The following TRPM7 variants were observed in gnomAD, a reference collection of about 807,000 sequenced individuals.
TRPM7 encodes transient receptor potential cation channel subfamily M member 7.
TRPM7 carries 134 observed loss-of-function variants against 229.7 expected under a neutral mutation model. The ratio of observed to expected loss-of-function variants is 0.58; its 90% CI spans 0.51 to 0.67. The LOEUF is 0.67. Ranked by LOEUF, TRPM7 falls within the 30% of genes least tolerant of loss-of-function variation. The probability of loss-of-function intolerance (pLI) is 0.00; values close to 1 mark genes in which losing one functional copy is unlikely to be tolerated. For synonymous variants in TRPM7, 699 were observed against 715.2 expected (o/e 0.98, Z 0.36); for missense variants, 1,901 against 2,210.0 (o/e 0.86, Z 2.80).
intron 38 of TRPM7, among the ~76,000 whole-genome samples, chr15:50,568,164 T>A (rs1029699767): frequency 9.4e-5 from 12 of 128,048 alleles, no homozygotes; most frequent in Non-Finnish European, 2.0e-4. Flanking sequence ...TTCAGCCTCA[T>A]AAAGTGCATC....
At chr15:50,635,617 C>T (rs1234696347) in intron 7 of TRPM7, among the ~76,000 whole-genome samples, 3 of 138,220 alleles carry the variant, frequency 2.2e-5, no homozygotes, top group South Asian at 2.3e-4. Flanking sequence ...GAGCTGAGAT[C>T]GTGCCACTGC....
At chr15:50,580,786 T>TA (rs1428541310) in intron 30 of TRPM7, 88 bp downstream of exon 30, 6 of 1,230,268 alleles carry the variant, frequency 4.9e-6, no homozygotes, top group Non-Finnish European at 6.8e-6. Flanking sequence ...AAAGAAATGT[T>TA]AAAGAGATGA....
At chr15:50,672,976 T>C (rs1221677267) in intron 1 of TRPM7, among the ~76,000 whole-genome samples, 1 of 150,418 alleles carries the variant, frequency 6.6e-6, no homozygotes, top group African/African-American at 2.4e-5. Context: ...CTGTACAATG[T>C]GTTTTATACG....
At position 50,636,896 on chromosome 15, in the gene TRPM7, G is replaced by A. The variant is rs141911574; in HGVS notation, c.832+526C>T. ...TGTAATCCCAGCTCTTTGGGAGGCC[G>A]AGACGGGCAGATCATGAAGTCAGGA... On this transcript the variant is annotated intron_variant, in intron 7 of 38. Transcript: ENST00000646667. Among the ~76,000 whole-genome samples the A allele has an allele frequency of 4.5e-3, 680 of 152,244 alleles. 6 individuals carry two copies. Among genetic ancestry groups the A allele is most frequent in the African/African-American group, 0.015 (643 of 41,544 alleles).
intron 15 of TRPM7, 55 bp from the exon 16 acceptor site, chr15:50,612,884 A>C: frequency 6.7e-7 from 1 of 1,490,752 alleles, no homozygotes; most frequent in Non-Finnish European, 9.0e-7. Context: ...TATGAAATTT[A>C]TGTCAGTGAA....
At chr15:50,589,681 A>AT in intron 26 of TRPM7, 25 bp from the exon 27 acceptor site, 1 of 1,517,748 alleles carries the variant, frequency 6.6e-7, no homozygotes, top group Non-Finnish European at 9.0e-7. Context: ...AAGATGTTGC[A>AT]ATGAGAAATT....
chr15:50,615,632 T>G (rs2060202761), intron 13 of TRPM7, among the ~76,000 whole-genome samples: 1 of 152,184 alleles, frequency 6.6e-6, no homozygotes. Context: ...TTTTTTTTAA[T>G]GTCTGTATTT....
intron 21 of TRPM7, among the ~76,000 whole-genome samples, chr15:50,603,314 ATT>A (rs35061176): frequency 2.7e-5 from 4 of 149,946 alleles, no homozygotes; most frequent in Non-Finnish European, 5.9e-5. Context: ...TAGAAGACTG[ATT>A]TTTTTTTTTA....
At chr15:50,668,307 C>G (rs1297939835) in intron 1 of TRPM7, among the ~76,000 whole-genome samples, 1 of 152,094 alleles carries the variant, frequency 6.6e-6, no homozygotes, top group African/African-American at 2.4e-5. Flanking sequence ...TAAGACTCAT[C>G]TTTTTTACTT....
At position 50,646,164 on chromosome 15, in the gene TRPM7, G is replaced by T. The variant is rs551470140; in HGVS notation, c.321+2523C>A. Reference sequence around the variant, plus strand: ...GTACAAAGGCAGTGAGAATTTGTAGGATCGGGATCCAGGAGAAAAGAAAAA... The same window carrying T: ...GTACAAAGGCAGTGAGAATTTGTAGTATCGGGATCCAGGAGAAAAGAAAAA... On this transcript the variant is annotated intron_variant, in intron 4 of 38. Transcript: ENST00000646667. Among the ~76,000 whole-genome samples the T allele has an allele frequency of 1.1e-3, 169 of 151,992 alleles. 2 individuals carry two copies. Among genetic ancestry groups the T allele is most frequent in the African/African-American group, 4.0e-3 (166 of 41,470 alleles).
intron 38 of TRPM7, among the ~76,000 whole-genome samples, chr15:50,566,784 G>A (rs1289333663): frequency 2.0e-5 from 3 of 151,986 alleles, no homozygotes; most frequent in Non-Finnish European, 4.4e-5. Context: ...CACCTAAAGC[G>A]AGTATAAACA....
chr15:50,609,517 G>A (rs909286557), intron 19 of TRPM7, 64 bp downstream of exon 19: 22 of 1,466,174 alleles, frequency 1.5e-5, no homozygotes, highest in African/African-American at 1.0e-4. Context: ...TATGGATTCC[G>A]AACCAATGGT....
In TRPM7 at chr15:50,686,517, C is replaced by G; in HGVS notation, c.3+14G>C. ...CAGAACCATTCCCCGCCCGGGCCTG[C>G]GTGGGTCCAGTACCATTCTCCTCAC... On this transcript the variant is annotated intron_variant, in intron 1 of 38. Transcript: ENST00000646667. 1.9e-6 allele frequency: 3 copies of G among 1,613,790 alleles called. No homozygotes were observed. The South Asian group carries it at 3.3e-5, about 18-fold the overall frequency.
intron 1 of TRPM7, among the ~76,000 whole-genome samples, chr15:50,685,344 C>G (rs2140995626): frequency 6.6e-6 from 1 of 152,306 alleles, no homozygotes; most frequent in East Asian, 1.9e-4. Flanking sequence ...ACAGTCCCAG[C>G]TACTCGGGAG....
intron 38 of TRPM7, among the ~76,000 whole-genome samples, chr15:50,564,982 AGG>A (rs2053529366): frequency 2.0e-5 from 3 of 151,940 alleles, no homozygotes; most frequent in African/African-American, 7.3e-5. Context: ...TAGAAAATGA[AGG>A]ATCTGGGCCA....
intron 27 of TRPM7, among the ~76,000 whole-genome samples, chr15:50,587,066 A>G (rs1443127946): frequency 6.6e-6 from 1 of 152,106 alleles, no homozygotes; most frequent in Non-Finnish European, 1.5e-5. Flanking sequence ...AAAAGTTGGA[A>G]AAATATACAA....
chr15:50,657,862 A>G (rs1303406892), intron 2 of TRPM7, 43 bp from the exon 3 acceptor site: 8 of 1,543,710 alleles, frequency 5.2e-6, no homozygotes, highest in Non-Finnish European at 6.2e-6. Flanking sequence ...CAGGTGAAAA[A>G]CTTTCTGATT....
At chr15:50,634,182 G>A (rs140149369) in intron 8 of TRPM7, among the ~76,000 whole-genome samples, 200 bp downstream of exon 8, 1 of 151,922 alleles carries the variant, frequency 6.6e-6, no homozygotes, top group Non-Finnish European at 1.5e-5. Flanking sequence ...TTAGCCAGAC[G>A]TGGTGGCTCA....
At chr15:50,597,934 AAGT>A (rs2059675649) in intron 22 of TRPM7, among the ~76,000 whole-genome samples, 1 of 152,056 alleles carries the variant, frequency 6.6e-6, no homozygotes, top group South Asian at 2.1e-4. Context: ...GAAAAAAAAA[AAGT>A]AGCAGACAAT....
Sources: gnomAD v4.1 joint callset for allele counts (sites outside exome capture counted in the v4.1 genomes callset) on GRCh38, gnomAD v4.1.1 for gene constraint, MANE v1.5 for transcripts, NCBI Gene and HGNC (gene_info 2026-07-23, HGNC 2026-07-21) for gene names.